The following DLG2 variants were observed in gnomAD, a reference collection of about 807,000 sequenced individuals.
DLG2 encodes disks large homolog 2.
DLG2 carries 45 observed loss-of-function variants against 132.5 expected under a neutral mutation model. The ratio of observed to expected loss-of-function variants is 0.34; its 90% CI spans 0.27 to 0.44. DLG2 has a LOEUF of 0.44. Ranked by LOEUF, DLG2 falls within the 20% of genes least tolerant of loss-of-function variation. DLG2 has a pLI of 1.00. For missense variants in DLG2, 1,045 were observed against 1,196.9 expected (o/e 0.87, Z 1.87); for synonymous variants, 424 against 419.6 (o/e 1.01, Z -0.13).
intron 11 of DLG2, among the ~76,000 whole-genome samples, chr11:83,990,211 T>C (rs933325992): frequency 6.6e-6 from 1 of 152,152 alleles, no homozygotes; most frequent in Admixed American, 6.6e-5. Context: ...ATGCCAAATT[T>C]AAGCACCTAA....
chr11:84,619,276 T>G (rs1216487278), intron 6 of DLG2, among the ~76,000 whole-genome samples: 1 of 151,802 alleles, frequency 6.6e-6, no homozygotes, highest in African/African-American at 2.4e-5. Context: ...AAATAAATAT[T>G]TGTAAATAGG....
chr11:84,287,989 A>C (rs1206320601), intron 7 of DLG2, among the ~76,000 whole-genome samples: 1 of 148,216 alleles, frequency 6.7e-6, no homozygotes. Flanking sequence ...GGGAGAGAGC[A>C]GTCCTTGATT....
intron 11 of DLG2, among the ~76,000 whole-genome samples, chr11:84,015,496 G>A (rs2095127634): frequency 1.3e-5 from 2 of 152,044 alleles, no homozygotes; most frequent in Admixed American, 6.6e-5. Flanking sequence ...ATTAATCCCA[G>A]CATCTATTAG....
At chr11:85,405,297 G>C (rs536249393) in intron 3 of DLG2, among the ~76,000 whole-genome samples, 18 of 152,042 alleles carry the variant, frequency 1.2e-4, no homozygotes, top group African/African-American at 3.1e-4. Flanking sequence ...AGTCTCTAAG[G>C]AATAAGCAAC....
intron 8 of DLG2, among the ~76,000 whole-genome samples, chr11:84,222,233 T>C (rs2096926339): frequency 6.6e-6 from 1 of 152,138 alleles, no homozygotes; most frequent in South Asian, 2.1e-4. Flanking sequence ...GGTTTCACCA[T>C]GTTGGCCAGT....
chr11:85,413,149 TC>T (rs1349564708), intron 3 of DLG2, among the ~76,000 whole-genome samples: 1 of 152,062 alleles, frequency 6.6e-6, no homozygotes, highest in Non-Finnish European at 1.5e-5. Flanking sequence ...GATTTGCATT[TC>T]CCTGATCATT....
Position 85,347,967 on chromosome 11 carries a change from C to CT in DLG2, c.41-62603dup, listed in dbSNP as rs35083224. On this transcript the variant is annotated intron_variant, in intron 3 of 27. Transcript: ENST00000376104. Reference sequence around the variant, plus strand: ...TACAGACTCATGCCACCACACTTAACTTTTTTTTTTTTTTTTTTTTTTTTT... The same window carrying CT: ...TACAGACTCATGCCACCACACTTAACTTTTTTTTTTTTTTTTTTTTTTTTTT... Among the ~76,000 whole-genome samples the CT allele has an allele frequency of 4.4e-3, 176 of 40,414 alleles. 37 individuals are homozygous for CT. The highest frequency in any genetic ancestry group is 0.022 in the Middle Eastern group (1 of 46). The allele number at this position is 40,414 out of a possible 152,430, so 26.5% of individuals were successfully genotyped here.
chr11:84,210,720 T>G (rs964042051), intron 8 of DLG2, among the ~76,000 whole-genome samples: 2 of 152,118 alleles, frequency 1.3e-5, no homozygotes, highest in African/African-American at 2.4e-5. Context: ...TTAAAAAACA[T>G]GTTGAGTGAT....
At chr11:83,745,685 C>T (rs994878279) in intron 18 of DLG2, among the ~76,000 whole-genome samples, 2 of 151,878 alleles carry the variant, frequency 1.3e-5, no homozygotes, top group Non-Finnish European at 2.9e-5. Context: ...ACCTGTAGTC[C>T]CAGCTACTCA....
At chr11:84,694,919 G>T (rs1160854063) in intron 6 of DLG2, among the ~76,000 whole-genome samples, 1 of 151,490 alleles carries the variant, frequency 6.6e-6, no homozygotes, top group Non-Finnish European at 1.5e-5. Flanking sequence ...AGTCCAAATT[G>T]TCTTCTGTAT....
chr11:84,539,866 G>A (rs1328951165), intron 6 of DLG2, among the ~76,000 whole-genome samples: 1 of 152,120 alleles, frequency 6.6e-6, no homozygotes, highest in Non-Finnish European at 1.5e-5. Flanking sequence ...GAACAGAACA[G>A]AGCCCTCAGA....
intron 17 of DLG2, among the ~76,000 whole-genome samples, chr11:83,793,619 C>A (rs939137113): frequency 2.6e-5 from 4 of 152,160 alleles, no homozygotes. Flanking sequence ...TTAGACAAAA[C>A]GGGTTAAATC....
intron 10 of DLG2, among the ~76,000 whole-genome samples, chr11:84,067,636 T>C (rs1268594868): frequency 6.6e-6 from 1 of 152,008 alleles, no homozygotes; most frequent in Non-Finnish European, 1.5e-5. Flanking sequence ...CCATAATACA[T>C]ATACTTAATT....
chr11:84,382,223 CT>C (rs2098751231), intron 7 of DLG2, among the ~76,000 whole-genome samples: 2 of 152,048 alleles, frequency 1.3e-5, no homozygotes, highest in Admixed American at 6.6e-5. Context: ...GGTGCCAGTT[CT>C]TTCTCCTCAA....
At chr11:84,303,427 C>T (rs945560632) in intron 7 of DLG2, among the ~76,000 whole-genome samples, 12 of 152,066 alleles carry the variant, frequency 7.9e-5, no homozygotes, top group African/African-American at 1.2e-4. Context: ...CTACTGTACT[C>T]CAAGCACTTA....
intron 3 of DLG2, among the ~76,000 whole-genome samples, chr11:85,350,022 G>C (rs1050549495): frequency 5.9e-5 from 9 of 152,130 alleles, no homozygotes; most frequent in African/African-American, 2.2e-4. Flanking sequence ...ATTTACACTA[G>C]CACCAACAGT....
intron 5 of DLG2, among the ~76,000 whole-genome samples, chr11:85,137,326 C>T (rs2076197473): frequency 6.6e-6 from 1 of 152,098 alleles, no homozygotes; most frequent in Non-Finnish European, 1.5e-5. Flanking sequence ...TCATAATACC[C>T]TTTAGGAAAT....
rs17147108 is a variant in DLG2 at position 84,270,168 on chromosome 11, T to C, written c.520-18877A>G. On this transcript the variant is annotated intron_variant, in intron 7 of 27. Transcript: ENST00000376104. ...CAAAAATACTGACTGCCTAGAAGAA[T>C]GTCCTTATGCCTCCAATGATGGAAC... Among the ~76,000 whole-genome samples, 2,455 of 152,344 alleles carry C rather than the reference T, an allele frequency of 0.016. 250 individuals carry two copies. In the East Asian group the frequency reaches 0.28, roughly 18 times the overall value.
At chr11:83,882,978 C>A (rs138218870) in intron 15 of DLG2, among the ~76,000 whole-genome samples, 2 of 152,138 alleles carry the variant, frequency 1.3e-5, no homozygotes, top group Admixed American at 6.5e-5. Context: ...TGTGCCACTG[C>A]GACCCATATT....
Sources: gnomAD v4.1 joint callset for allele counts (sites outside exome capture counted in the v4.1 genomes callset) on GRCh38, gnomAD v4.1.1 for gene constraint, MANE v1.5 for transcripts, NCBI Gene and HGNC (gene_info 2026-07-23, HGNC 2026-07-21) for gene names.